Variants in BABAM2 observed in about 807,000 individuals in gnomAD.
The protein encoded by BABAM2 is BRISC and BRCA1-A complex member 2.
In BABAM2, 31 loss-of-function variants were observed where a neutral mutation model predicts 54.7. That is an observed-to-expected ratio of 0.57 (90% CI 0.43 to 0.77). BABAM2 has a LOEUF of 0.77. BABAM2 is among the 30% of genes least tolerant of loss of function. The pLI is 0.00. For missense variants in BABAM2, 364 were observed against 455.8 expected, an observed-to-expected ratio of 0.80 and a Z score of 1.83; for synonymous variants, 167 against 162.9, an observed-to-expected ratio of 1.03 and a Z score of -0.19.
At chr2:27,990,848 C>T (rs758511145) in intron 4 of BABAM2, among the ~76,000 whole-genome samples, 19 of 151,258 alleles carry the variant, frequency 1.3e-4, no homozygotes, top group Non-Finnish European at 2.7e-4. Context: ...TAAATCAAAT[C>T]GTTTCTGGGG....
chr2:28,166,751 T>C (rs1410364545), intron 7 of BABAM2, among the ~76,000 whole-genome samples: 4 of 152,194 alleles, frequency 2.6e-5, no homozygotes, highest in Admixed American at 6.5e-5. Context: ...GTAATGCCTT[T>C]CCTTTGTTGC....
At chr2:28,163,694 T>A (rs1673333656) in intron 7 of BABAM2, among the ~76,000 whole-genome samples, 1 of 152,180 alleles carries the variant, frequency 6.6e-6, no homozygotes, top group Non-Finnish European at 1.5e-5. Context: ...AGGCAATCTG[T>A]CCCCATCTTA....
At chr2:28,097,560 C>T (rs1382902946) in intron 6 of BABAM2, among the ~76,000 whole-genome samples, 3 of 152,210 alleles carry the variant, frequency 2.0e-5, no homozygotes, top group East Asian at 3.9e-4. Context: ...GGATGATAAC[C>T]TTATATCACT....
chr2:28,181,894 G>A (rs1034050067), intron 7 of BABAM2, among the ~76,000 whole-genome samples: 2 of 152,070 alleles, frequency 1.3e-5, no homozygotes, highest in Non-Finnish European at 2.9e-5. Context: ...CAAGGGAAAA[G>A]CTTCACTGCG....
intron 3 of BABAM2, among the ~76,000 whole-genome samples, chr2:27,982,416 C>G (rs1672071544): frequency 6.6e-6 from 1 of 152,024 alleles, no homozygotes; most frequent in African/African-American, 2.4e-5. Context: ...AAAGCATTGC[C>G]TAGCCCAAAG....
At chr2:28,134,715 A>G (rs540994664) in intron 7 of BABAM2, 65 of 152,354 alleles carry the variant, frequency 4.3e-4, no homozygotes, top group African/African-American at 1.5e-3. Context: ...TGTACCTGCA[A>G]TATGCATGTT....
chr2:28,323,815 C>T (rs79870961), intron 11 of BABAM2, among the ~76,000 whole-genome samples: 2,644 of 152,280 alleles, frequency 0.017, 34 homozygotes, highest in Non-Finnish European at 0.027. Flanking sequence ...CATTTGTGGT[C>T]CCTCACATGT....
At chr2:28,099,931 C>G (rs914991846) in intron 6 of BABAM2, among the ~76,000 whole-genome samples, 1 of 151,616 alleles carries the variant, frequency 6.6e-6, no homozygotes, top group African/African-American at 2.4e-5. Context: ...ATTTATAATG[C>G]CCTAATTAAA....
At chr2:27,994,625 A>G (rs1673009415) in intron 4 of BABAM2, among the ~76,000 whole-genome samples, 1 of 152,162 alleles carries the variant, frequency 6.6e-6, no homozygotes, top group African/African-American at 2.4e-5. Flanking sequence ...CCATGTAGTT[A>G]CTTTGGTTGT....
At position 27,913,396 on chromosome 2, in the gene BABAM2, C is replaced by G. The variant is rs867674412; in HGVS notation, c.129-16436C>G. Among the ~76,000 whole-genome samples, 5 of 152,282 alleles carry G rather than the reference C, an allele frequency of 3.3e-5. 1 individual carries two copies. Among genetic ancestry groups the G allele is most frequent in the Middle Eastern group, 6.8e-3 (2 of 294 alleles). On this transcript the variant is annotated intron_variant, in intron 2 of 11. Coordinates refer to ENST00000379624, the MANE Select transcript of BABAM2 (RefSeq NM_199191.3). ...CCAGGAGTTGGCCTTCTTAAGAATTCTATCTCAGAGGGGCAACAGTAGTAT... is the reference window on the plus strand; with the variant it reads ...CCAGGAGTTGGCCTTCTTAAGAATTGTATCTCAGAGGGGCAACAGTAGTAT...
chr2:28,110,088 C>G (rs752799190), intron 6 of BABAM2, among the ~76,000 whole-genome samples: 1 of 152,188 alleles, frequency 6.6e-6, no homozygotes, highest in African/African-American at 2.4e-5. Context: ...TTTGACTACT[C>G]TCAAACTTCA....
chr2:28,115,322 A>T (rs1178003557), intron 6 of BABAM2, among the ~76,000 whole-genome samples: 1 of 152,108 alleles, frequency 6.6e-6, no homozygotes, highest in Non-Finnish European at 1.5e-5. Context: ...AGGAAGTCTC[A>T]TGAGAGGATA....
intron 2 of BABAM2, among the ~76,000 whole-genome samples, chr2:27,911,550 G>A (rs949008533): frequency 1.3e-5 from 2 of 152,004 alleles, no homozygotes; most frequent in Non-Finnish European, 2.9e-5. Flanking sequence ...GGAGGCAAGC[G>A]TGCAGCTGTG....
chr2:28,262,593 A>C (rs1229413184), intron 10 of BABAM2, among the ~76,000 whole-genome samples: 1 of 152,116 alleles, frequency 6.6e-6, no homozygotes, highest in Non-Finnish European at 1.5e-5. Context: ...TTTTTTAGGC[A>C]TCTAGGTAGC....
intron 6 of BABAM2, among the ~76,000 whole-genome samples, chr2:28,097,413 A>G (rs943199391): frequency 2.0e-5 from 3 of 152,120 alleles, no homozygotes; most frequent in East Asian, 3.8e-4. Context: ...TATTTTTGCT[A>G]AGTTAGTAGT....
intron 3 of BABAM2, among the ~76,000 whole-genome samples, chr2:27,967,836 C>T (rs1670936205): frequency 6.6e-6 from 1 of 152,174 alleles, no homozygotes; most frequent in South Asian, 2.1e-4. Flanking sequence ...TTGCCCCTGC[C>T]CTTGAGCTTA....
intron 7 of BABAM2, among the ~76,000 whole-genome samples, chr2:28,138,370 G>T (rs1208913418): frequency 6.6e-6 from 1 of 152,148 alleles, no homozygotes. Context: ...AGTTGACACA[G>T]TATGTTTAAA....
At chr2:28,171,086 A>G (rs1674268044) in intron 7 of BABAM2, among the ~76,000 whole-genome samples, 1 of 149,884 alleles carries the variant, frequency 6.7e-6, no homozygotes, top group South Asian at 2.1e-4. Flanking sequence ...CATGCTGTAC[A>G]TACTACGTTG....
At chr2:28,001,499 G>A (rs1055444415) in intron 4 of BABAM2, among the ~76,000 whole-genome samples, 1 of 152,180 alleles carries the variant, frequency 6.6e-6, no homozygotes, top group African/African-American at 2.4e-5. Flanking sequence ...GCTACAGACA[G>A]TTATGCTATA....
Sources: allele counts gnomAD v4.1 joint callset (sites outside exome capture counted in the v4.1 genomes callset), GRCh38; gene constraint gnomAD v4.1.1; transcripts MANE v1.5; gene names NCBI Gene and HGNC (gene_info 2026-07-23, HGNC 2026-07-21).